Variants in PLA2G10 observed in about 807,000 individuals in gnomAD.
The protein encoded by PLA2G10 is group 10 secretory phospholipase A2.
A neutral mutation model predicts 7.9 loss-of-function variants in PLA2G10; 9 were observed. The observed-to-expected ratio is 1.14, with a 90% CI of 0.68 to 1.98. The LOEUF is 1.98. Ranked by LOEUF, PLA2G10 falls within the 30% of genes most tolerant of loss-of-function variation. PLA2G10 has a pLI of 0.00. For synonymous variants in PLA2G10, 19 were observed against 27.5 expected (o/e 0.69, Z 0.97); for missense variants, 53 against 65.4 (o/e 0.81, Z 0.66).
intron 3 of PLA2G10, among the ~76,000 whole-genome samples, chr16:14,676,294 A>G (rs1262468325): frequency 6.6e-6 from 1 of 152,236 alleles, no homozygotes; most frequent in African/African-American, 2.4e-5. Context: ...TCATTATATC[A>G]AAAAGACGTG....
At chr16:14,678,439 G>T (rs756072089) in intron 3 of PLA2G10, among the ~76,000 whole-genome samples, 6 of 152,154 alleles carry the variant, frequency 3.9e-5, no homozygotes, top group African/African-American at 7.2e-5. Context: ...CCTCTCCTGG[G>T]TTTGTACCAT....
intron 3 of PLA2G10, among the ~76,000 whole-genome samples, chr16:14,675,260 GTAGAAGAATGAAACTGGATCCCTATC>G (rs1960695510): frequency 1.3e-5 from 2 of 151,730 alleles, no homozygotes; most frequent in East Asian, 3.9e-4. Flanking sequence ...AGAGCTGCAT[GTAGAAGAATGAAACTGGATCCCTATC>G]TCTCACCATC....
intron 3 of PLA2G10, among the ~76,000 whole-genome samples, chr16:14,685,825 G>A (rs1354230393): frequency 5.3e-5 from 8 of 151,578 alleles, no homozygotes; most frequent in African/African-American, 1.9e-4. Flanking sequence ...CTTCTTAGTA[G>A]CTGGAATTAA....
chr16:14,687,284 C>A (rs1353811710), intron 3 of PLA2G10, among the ~76,000 whole-genome samples: 1 of 151,130 alleles, frequency 6.6e-6, no homozygotes, highest in Non-Finnish European at 1.5e-5. Context: ...TTTTTAATTG[C>A]AGGGTTTTTT....
intron 3 of PLA2G10, among the ~76,000 whole-genome samples, chr16:14,673,567 G>A (rs1279027818): frequency 6.6e-6 from 1 of 151,226 alleles, no homozygotes; most frequent in Non-Finnish European, 1.5e-5. Context: ...ATGGGGTTTT[G>A]CCATATTGCC....
intron 3 of PLA2G10, among the ~76,000 whole-genome samples, chr16:14,683,167 T>C (rs1249883842): frequency 1.3e-5 from 2 of 152,144 alleles, no homozygotes; most frequent in East Asian, 1.9e-4. Context: ...AGAAGTCAAA[T>C]TATTAGCTCA....
At chr16:14,674,214 C>T (rs1960665554) in intron 3 of PLA2G10, among the ~76,000 whole-genome samples, 1 of 151,516 alleles carries the variant, frequency 6.6e-6, no homozygotes, top group Non-Finnish European at 1.5e-5. Context: ...AACTACAAAA[C>T]ACTGCCGAAA....
chr16:14,679,673 A>AAC (rs1555517603), intron 3 of PLA2G10, among the ~76,000 whole-genome samples: 2 of 141,814 alleles, frequency 1.4e-5, no homozygotes, highest in Admixed American at 1.5e-4. Context: ...AAAAAAAAAA[A>AAC]AATAATAATA....
intron 3 of PLA2G10, among the ~76,000 whole-genome samples, chr16:14,677,599 T>TA (rs1960757310): frequency 2.0e-5 from 3 of 152,162 alleles, no homozygotes; most frequent in African/African-American, 4.8e-5. Context: ...TCTCTTGACC[T>TA]CGTGATCTGC....
At chr16:14,687,984 G>A (rs1407262300) in intron 3 of PLA2G10, among the ~76,000 whole-genome samples, 181 bp downstream of exon 3, 2 of 151,164 alleles carry the variant, frequency 1.3e-5, no homozygotes, top group Non-Finnish European at 3.0e-5. Flanking sequence ...GGGTGACAGA[G>A]CGAGACTCTG....
At chr16:14,684,077 A>C (rs1960974999) in intron 3 of PLA2G10, among the ~76,000 whole-genome samples, 1 of 152,060 alleles carries the variant, frequency 6.6e-6, no homozygotes, top group Non-Finnish European at 1.5e-5. Flanking sequence ...AAGTTTAAAA[A>C]TGGCGGGGCG....
intron 3 of PLA2G10, among the ~76,000 whole-genome samples, chr16:14,679,155 A>T (rs1960810492): frequency 6.6e-6 from 1 of 152,016 alleles, no homozygotes; most frequent in South Asian, 2.1e-4. Flanking sequence ...AATTCTCACA[A>T]CCTAAAATTT....
chr16:14,677,788 T>C (rs980639618), intron 3 of PLA2G10, among the ~76,000 whole-genome samples: 3 of 149,360 alleles, frequency 2.0e-5, no homozygotes, highest in Non-Finnish European at 3.0e-5. Flanking sequence ...GGTGGGTGGA[T>C]GGATGGAAGA....
At chr16:14,675,157 G>A (rs1463253705) in intron 3 of PLA2G10, among the ~76,000 whole-genome samples, 5 of 146,748 alleles carry the variant, frequency 3.4e-5, no homozygotes, top group Non-Finnish European at 7.5e-5. Context: ...GGCAACAAGA[G>A]TGAAACTCCA....
At chr16:14,675,990 A>G (rs2151849423) in intron 3 of PLA2G10, among the ~76,000 whole-genome samples, 1 of 152,130 alleles carries the variant, frequency 6.6e-6, no homozygotes, top group East Asian at 1.9e-4. Context: ...CTCAAAATAT[A>G]TATAAATGAC....
chr16:14,684,169 C>A (rs1003862986), intron 3 of PLA2G10, among the ~76,000 whole-genome samples: 2 of 150,262 alleles, frequency 1.3e-5, no homozygotes, highest in African/African-American at 4.9e-5. Context: ...GACAGCCTGG[C>A]CAACATGGTG....
At chr16:14,672,900 A>G (rs1960628246) in intron 3 of PLA2G10, 151 bp from the exon 4 acceptor site, 3 of 689,220 alleles carry the variant, frequency 4.4e-6, no homozygotes, top group Non-Finnish European at 7.4e-6. Flanking sequence ...CTCCCCAGGA[A>G]GCAGGTGATG....
intron 3 of PLA2G10, among the ~76,000 whole-genome samples, chr16:14,684,242 C>T (rs1364106583): frequency 7.2e-6 from 1 of 138,908 alleles, no homozygotes. Flanking sequence ...ATGCCTGAGA[C>T]AGGAGAATAG....
intron 3 of PLA2G10, among the ~76,000 whole-genome samples, chr16:14,684,366 A>G (rs896389328): frequency 1.4e-5 from 2 of 146,570 alleles, no homozygotes; most frequent in African/African-American, 5.0e-5. Flanking sequence ...AAAAAAGGCT[A>G]AAAATTAGCT....
Sources: allele counts gnomAD v4.1 joint callset (sites outside exome capture counted in the v4.1 genomes callset), GRCh38; gene constraint gnomAD v4.1.1; transcripts MANE v1.5; gene names NCBI Gene and HGNC (gene_info 2026-07-23, HGNC 2026-07-21).